Variants in LPAR2 observed in about 807,000 individuals in gnomAD.
The protein encoded by LPAR2 is G protein-coupled receptor.
In LPAR2, 10 loss-of-function variants were observed where a neutral mutation model predicts 15.6. The observed-to-expected ratio is 0.64, with a 90% confidence interval of 0.39 to 1.09. The LOEUF (loss-of-function observed/expected upper bound fraction) is 1.09, where lower values mean the gene tolerates loss of function less well. Ranked by LOEUF, LPAR2 falls within the 50% of genes least tolerant of loss-of-function variation. LPAR2 has a pLI of 0.01. For synonymous variants in LPAR2, 204 were observed against 207.4 expected (o/e 0.98, Z 0.14); for missense variants, 413 against 484.6 (o/e 0.85, Z 1.39).
At position 19,626,610 on chromosome 19, in the gene LPAR2, A is replaced by G. The variant is rs1030350342; in HGVS notation, c.675T>C (p.His225=). Residue 225 remains histidine (H), a synonymous_variant, in exon 2 of 3, where the codon CAT becomes CAC. Transcript: ENST00000407877. This position sits in a 1 kb window ranked among gnomAD's most constrained non-coding sequence, Gnocchi z 5.3. ...CTCGGTAGCGGGGGTGGCAGCTGAC[A>G]TGCTCTGCCATGCGCTGCACTCGCC... The G allele has an allele frequency of 3.1e-6, 5 of 1,613,240 alleles. No homozygotes were observed. The highest frequency in any genetic ancestry group is 4.2e-6 in the Non-Finnish European group (5 of 1,180,008).
intron 2 of LPAR2, among the ~76,000 whole-genome samples, chr19:19,625,421 T>C (rs1246527755): frequency 6.6e-6 from 1 of 151,990 alleles, no homozygotes; most frequent in Middle Eastern, 3.2e-3. Flanking sequence ...TGAGCTATGA[T>C]GGAGCCATTG....
rs142248281 is a variant in LPAR2, at chr19:19,624,789, TTGTGTGTG to T, written c.743-228_743-221del. Among the ~76,000 whole-genome samples the T allele has an allele frequency of 8.8e-4, 127 of 143,796 alleles. 1 individual carries two copies. Among genetic ancestry groups the T allele is most frequent in the African/African-American group, 2.3e-3 (87 of 38,524 alleles). 94.3% of individuals were successfully genotyped at this position (143,796 alleles called of 152,430 possible). A position where few individuals can be genotyped will look rare whatever the true frequency, so the allele number is the denominator to read the frequency against. On this transcript the variant is annotated intron_variant, in intron 2 of 2. Coordinates refer to ENST00000407877, the MANE Select transcript of LPAR2 (RefSeq NM_004720.7). The stretch of plus-strand genomic sequence containing the variant: ...CACAGTGGCCAAGGCACTGGACATT[TTGTGTGTG>T]TGTGTGTGTGTGTGTGTGTGTGTGT...
At position 19,627,833 on chromosome 19, in the gene LPAR2, G is replaced by T; in HGVS notation, c.-1+259C>A. 1 of 156,940 alleles carries T rather than the reference G, an allele frequency of 6.4e-6. No individual in the cohort carries two copies. The highest frequency in any genetic ancestry group is 1.4e-5 in the Non-Finnish European group (1 of 70,558). The allele number at this position is 156,940 out of a possible 1,614,324, so 9.7% of individuals were successfully genotyped here. A position where few individuals can be genotyped will look rare whatever the true frequency, so the allele number is the denominator to read the frequency against. Reference sequence around the variant, plus strand: ...GAGGCGGCCCCAGAAGTTAGTCGGCGGGATTTGGGCGCGAGTGCTTCCCAA... The same window carrying T: ...GAGGCGGCCCCAGAAGTTAGTCGGCTGGATTTGGGCGCGAGTGCTTCCCAA... On this transcript the variant is annotated intron_variant, in intron 1 of 2. Transcript: ENST00000407877. This position sits in a 1 kb window ranked among gnomAD's most constrained non-coding sequence, Gnocchi z 4.7.
At position 19,627,264 on chromosome 19, in the gene LPAR2, G is replaced by C. The variant is rs778040803; in HGVS notation, c.21C>G (p.Cys7Trp). ...AGAAGCCGATGGTCTCGTTGTAGTA[G>C]CACTGGCCCATGATGACCATCTGGG... Residue 7 changes from cysteine (C) to tryptophan (W), a missense_variant, in exon 2 of 3, where the codon TGC (cysteine) becomes TGG (tryptophan). By Grantham distance (215) the Cys-to-Trp change is radical (BLOSUM62 -2). Transcript: ENST00000407877. This position sits in a 1 kb window ranked among gnomAD's most constrained non-coding sequence, Gnocchi z 4.7. 6.2e-7 allele frequency: 1 copy of C among 1,602,784 alleles called. No individual in the cohort carries two copies. The highest frequency in any genetic ancestry group is 1.1e-5 in the South Asian group (1 of 91,058).
In LPAR2 at chr19:19,626,911, ATGGCCAGCAGTG is replaced by A; in HGVS notation, c.362_373del (p.Thr121_Ala124del). On this transcript the variant is annotated inframe_deletion, in exon 2 of 3. Transcript: ENST00000407877. This position sits in a 1 kb window ranked among gnomAD's most constrained non-coding sequence, Gnocchi z 5.3. ...CACACTGCGGTGCCGCTCCACGGCG[ATGGCCAGCAGTG>A]TGGCCACCGACGCAGTGAGGCTTGT... 1 of 1,603,640 alleles carries A rather than the reference ATGGCCAGCAGTG, an allele frequency of 6.2e-7. No homozygotes were observed. The highest frequency in any genetic ancestry group is 8.5e-7 in the Non-Finnish European group (1 of 1,175,844).
intron 2 of LPAR2, among the ~76,000 whole-genome samples, chr19:19,624,789 T>TTGTG (rs142248281): frequency 0.026 from 3,713 of 143,694 alleles, 64 homozygotes; most frequent in African/African-American, 0.038. Flanking sequence ...ACTGGACATT[T>TTGTG]TGTGTGTGTG....
Position 19,626,365 on chromosome 19 carries a change from T to A in LPAR2, c.742+178A>T, listed in dbSNP as rs561676117. 6.6e-6 allele frequency among the ~76,000 whole-genome samples: 1 copy of A among 152,366 alleles called. No homozygotes were observed. The highest frequency in any genetic ancestry group is 1.5e-5 in the Non-Finnish European group (1 of 68,032). On this transcript the variant is annotated intron_variant, in intron 2 of 2. Transcript: ENST00000407877. This position sits in a 1 kb window ranked among gnomAD's most constrained non-coding sequence, Gnocchi z 5.3. ...CTCTGCCTGGAAGGCTCTCTGTTCC[T>A]ATCCTCAGCATTCAGGCCTCTGCTC...
In LPAR2 at chr19:19,627,148, A is replaced by G; in HGVS notation, c.137T>C (p.Val46Ala). 1.2e-6 allele frequency: 2 copies of G among 1,613,288 alleles called. No individual in the cohort carries two copies. The highest frequency in any genetic ancestry group is 1.7e-6 in the Non-Finnish European group (2 of 1,179,952). The stretch of plus-strand genomic sequence containing the variant: ...TATGACCAGCAGATTGGTCAGCAGC[A>G]CCAGCACGCTGACGGTCAGCCCCAG... The change falls in exon 2 of 3, where the codon GTG becomes GCG. Residue 46 changes from valine to alanine, a missense_variant. Coordinates refer to ENST00000407877, the MANE Select transcript of LPAR2 (RefSeq NM_004720.7). The surrounding 1 kb of genome is among the most constrained non-coding windows in gnomAD (Gnocchi z 4.7).
chr19:19,626,654 T>C lies in LPAR2; in HGVS notation c.631A>G (p.Ile211Val), dbSNP rs916501604. The change falls in exon 2 of 3, where the codon ATT becomes GTT. Residue 211 changes from isoleucine to valine, a missense_variant. By Grantham distance (29) the Ile-to-Val change is conservative. Transcript: ENST00000407877. This position sits in a 1 kb window ranked among gnomAD's most constrained non-coding sequence, Gnocchi z 5.3. Reference sequence around the variant, plus strand: ...ACTCGCCGCCGCACGTAGAAGAAAATGCGGGTGTACACAGCCACCATGAGC... The same window carrying C: ...ACTCGCCGCCGCACGTAGAAGAAAACGCGGGTGTACACAGCCACCATGAGC... The C allele has an allele frequency of 3.7e-6, 6 of 1,613,168 alleles. No individual in the cohort carries two copies. The highest frequency in any genetic ancestry group is 5.1e-6 in the Non-Finnish European group (6 of 1,180,002).
chr19:19,625,302 C>CT, intron 2 of LPAR2, among the ~76,000 whole-genome samples: 1 of 151,790 alleles, frequency 6.6e-6, no homozygotes, highest in Non-Finnish European at 1.5e-5. Context: ...GACCTCGTTT[C>CT]TACAAAAAAT....
Position 19,626,511 on chromosome 19 carries a change from G to A in LPAR2, c.742+32C>T, listed in dbSNP as rs879120461. On this transcript the variant is annotated intron_variant, in intron 2 of 2. Coordinates refer to ENST00000407877, the MANE Select transcript of LPAR2 (RefSeq NM_004720.7). This position sits in a 1 kb window ranked among gnomAD's most constrained non-coding sequence, Gnocchi z 5.3. ...TCTTGTGGGAGATAGGGGGAAGCAG[G>A]GTCCCTGTTGCCCCCTGGGGGCCCC... 1.3e-6 allele frequency: 2 copies of A among 1,556,640 alleles called. No homozygotes were observed. The highest frequency in any genetic ancestry group is 1.7e-6 in the Non-Finnish European group (2 of 1,151,372).
intron 2 of LPAR2, among the ~76,000 whole-genome samples, chr19:19,624,781 T>C (rs2061731699): frequency 6.7e-6 from 1 of 148,792 alleles, no homozygotes; most frequent in South Asian, 2.1e-4. Context: ...GCCAAGGCAC[T>C]GGACATTTTG....
Position 19,626,737 on chromosome 19 carries a change from G to A in LPAR2, c.548C>T (p.Pro183Leu), listed in dbSNP as rs1027692975. 6.2e-6 allele frequency: 10 copies of A among 1,613,180 alleles called. No individual in the cohort carries two copies. The highest frequency in any genetic ancestry group is 1.3e-5 in the African/African-American group (1 of 74,928). Residue 183 changes from proline to leucine, a missense_variant, in exon 2 of 3, where the codon CCC becomes CTC. Physicochemically the swap from Pro to Leu is moderately conservative, Grantham distance 98. Coordinates refer to ENST00000407877, the MANE Select transcript of LPAR2 (RefSeq NM_004720.7). This position sits in a 1 kb window ranked among gnomAD's most constrained non-coding sequence, Gnocchi z 5.3. ...GGCCAAATAGGAGCGGCTGAGCAGG[G>A]GTGCCATGCGTGAGCAGCGGTCCAG...
Position 19,624,231 on chromosome 19 carries a change from C to T in LPAR2, c.*25G>A, listed in dbSNP as rs759509451. Reference sequence around the variant, plus strand: ...CAGGGGCTGTGGATTTGTTGCTTGCCGCGTACCGCTGAAGTTCAAGGTAGC... The same window carrying T: ...CAGGGGCTGTGGATTTGTTGCTTGCTGCGTACCGCTGAAGTTCAAGGTAGC... On this transcript the variant is annotated 3_prime_UTR_variant, in exon 3 of 3. Coordinates refer to ENST00000407877, the MANE Select transcript of LPAR2 (RefSeq NM_004720.7). 1.3e-5 allele frequency: 21 copies of T among 1,578,366 alleles called. No homozygotes were observed. Among genetic ancestry groups the T allele is most frequent in the Middle Eastern group, 3.4e-4 (2 of 5,864 alleles).
chr19:19,625,555 C>T (rs776428003), intron 2 of LPAR2, among the ~76,000 whole-genome samples: 1 of 151,598 alleles, frequency 6.6e-6, no homozygotes, highest in African/African-American at 2.4e-5. Context: ...GAGGCCAAGG[C>T]GGGTGGATCA....
At position 19,626,785 on chromosome 19, in the gene LPAR2, T is replaced by A; in HGVS notation, c.500A>T (p.His167Leu). 6.2e-7 allele frequency: 1 copy of A among 1,606,474 alleles called. No individual in the cohort carries two copies. The highest frequency in any genetic ancestry group is 8.5e-7 in the Non-Finnish European group (1 of 1,177,140). ...CAGGGCACAGAGGCAGTGCCAGGAGTGGGCAGGCAGCAGCCCCAGGCCCAG... is the reference window on the plus strand; with the variant it reads ...CAGGGCACAGAGGCAGTGCCAGGAGAGGGCAGGCAGCAGCCCCAGGCCCAG... Residue 167 changes from histidine to leucine, a missense_variant, in exon 2 of 3, where the codon CAC becomes CTC. By Grantham distance (99) the His-to-Leu change is moderately conservative (BLOSUM62 -3). Transcript: ENST00000407877. This position sits in a 1 kb window ranked among gnomAD's most constrained non-coding sequence, Gnocchi z 5.3.
Position 19,626,403 on chromosome 19 carries a change from A to C in LPAR2, c.742+140T>G. ...CAGGCCTCTGCTCACATACATTATC[A>C]CCTCCTTGGAGGACATTCCCCACCT... On this transcript the variant is annotated intron_variant, in intron 2 of 2. Transcript: ENST00000407877. This position sits in a 1 kb window ranked among gnomAD's most constrained non-coding sequence, Gnocchi z 5.3. 9.3e-7 allele frequency: 1 copy of C among 1,071,408 alleles called. No homozygotes were observed. Among genetic ancestry groups the C allele is most frequent in the South Asian group, 1.5e-5 (1 of 65,238 alleles). The allele number at this position is 1,071,408 out of a possible 1,614,324, so 66.4% of individuals were successfully genotyped here. A position where few individuals can be genotyped will look rare whatever the true frequency, so the allele number is the denominator to read the frequency against.
At position 19,626,227 on chromosome 19, in the gene LPAR2, A is replaced by C. The variant is rs1229010584; in HGVS notation, c.742+316T>G. Among the ~76,000 whole-genome samples, 2 of 152,162 alleles carry C rather than the reference A, an allele frequency of 1.3e-5. No homozygotes were observed. Among genetic ancestry groups the C allele is most frequent in the African/African-American group, 4.8e-5 (2 of 41,436 alleles). The stretch of plus-strand genomic sequence containing the variant: ...AAGGGGTTCCCATGAAACTCAAAAT[A>C]AGACTCCTGTCCGTGCCCCTTAAGG... On this transcript the variant is annotated intron_variant, in intron 2 of 2. Coordinates refer to ENST00000407877, the MANE Select transcript of LPAR2 (RefSeq NM_004720.7). The surrounding 1 kb of genome is among the most constrained non-coding windows in gnomAD (Gnocchi z 5.3).
In LPAR2 at chr19:19,623,728, A is replaced by G. The variant is rs80169980; in HGVS notation, c.*528T>C. 1.2e-3 allele frequency: 188 copies of G among 155,310 alleles called. No individual in the cohort carries two copies. The highest frequency in any genetic ancestry group is 4.2e-3 in the African/African-American group (174 of 41,574). The allele number at this position is 155,310 out of a possible 1,614,324, so 9.6% of individuals were successfully genotyped here. On this transcript the variant is annotated 3_prime_UTR_variant, in exon 3 of 3. Transcript: ENST00000407877. ...CCTCCCCGTGGACTGCTTCAATTCT[A>G]TCGGGGACAGGCCAGTCCCTGGAGG... is the stretch of plus-strand genomic sequence containing the variant.
Sources: allele counts gnomAD v4.1 joint callset (sites outside exome capture counted in the v4.1 genomes callset), GRCh38; gene constraint gnomAD v4.1.1; non-coding constraint Gnocchi (gnomAD v3.1); transcripts MANE v1.5; gene names NCBI Gene and HGNC (gene_info 2026-07-23, HGNC 2026-07-21).